SLC2A9: variants seen among roughly 807,000 people sequenced by gnomAD.
SLC2A9 encodes solute carrier family 2, facilitated glucose transporter member 9.
SLC2A9 carries 39 observed loss-of-function variants against 50.6 expected under a neutral mutation model. That is an observed-to-expected ratio of 0.77 (90% CI 0.60 to 1.01). SLC2A9 has a LOEUF of 1.01. Ranked by LOEUF, SLC2A9 falls within the 50% of genes least tolerant of loss-of-function variation. The probability of loss-of-function intolerance (pLI) is 0.00; values close to 1 mark genes in which losing one functional copy is unlikely to be tolerated. For missense variants in SLC2A9, 686 were observed against 677.6 expected (o/e 1.01, Z -0.14); for synonymous variants, 324 against 276.9 (o/e 1.17, Z -1.69).
chr4:9,877,585 C>A (rs1206843274), intron 10 of SLC2A9, among the ~76,000 whole-genome samples: 1 of 152,200 alleles, frequency 6.6e-6, no homozygotes, highest in South Asian at 2.1e-4. Context: ...TCCTGTAAAT[C>A]CAGTAAGCAA....
At position 9,848,935 on chromosome 4, in the gene SLC2A9, C is replaced by A. The variant is rs142398018; in HGVS notation, c.1292-13927G>T. Among the ~76,000 whole-genome samples, 729 of 152,292 alleles carry A rather than the reference C, an allele frequency of 4.8e-3. 6 individuals carry two copies. Among genetic ancestry groups the A allele is most frequent in the African/African-American group, 0.016 (663 of 41,574 alleles). ...GTCAGGCTGGTCTCAATCTCCTGAC[C>A]TTGTGATCCGCCTGCCTCGGCCTCC... On this transcript the variant is annotated intron_variant, in intron 10 of 11. Coordinates refer to ENST00000264784, the MANE Select transcript of SLC2A9 (RefSeq NM_020041.3).
At chr4:10,029,039 A>G (rs979217772) in intron 1 of SLC2A9, 3 of 152,270 alleles carry the variant, frequency 2.0e-5, no homozygotes, top group African/African-American at 7.2e-5. Flanking sequence ...CTTCAGCTCA[A>G]TCCCTTCCAG....
At chr4:9,787,551 C>T (rs1335636472) in intron 3 of SLC2A9, among the ~76,000 whole-genome samples, 1 of 152,154 alleles carries the variant, frequency 6.6e-6, no homozygotes, top group Non-Finnish European at 1.5e-5. Flanking sequence ...TTGCATATTT[C>T]CTAAAAACAG....
intron 6 of SLC2A9, among the ~76,000 whole-genome samples, chr4:9,937,300 C>A (rs527815936): frequency 7.9e-5 from 12 of 152,078 alleles, no homozygotes; most frequent in Non-Finnish European, 1.5e-4. Flanking sequence ...TGTGTTTTCC[C>A]GCCCCTTTTT....
rs569016288 is a variant in SLC2A9, at chr4:9,783,625, C to T, written n.386-3560G>A. On this transcript the variant is annotated intron_variant and non_coding_transcript_variant, in intron 3 of 3. Transcript: ENST00000503803. ...AACCTCACCCCATTGATTGGTAGTT[C>T]GAAGAATTGGCAGAAGCAGTTGCAA... is the stretch of plus-strand genomic sequence containing the variant. 2.4e-4 allele frequency: 170 copies of T among 709,370 alleles called. 2 individuals carry two copies. In the East Asian group the frequency reaches 3.7e-3, roughly 16 times the overall value. The allele number at this position is 709,370 out of a possible 1,614,324, so 43.9% of individuals were successfully genotyped here.
Position 9,887,634 on chromosome 4 carries a change from GGC to G in SLC2A9, c.1222_1223del (p.Ala408ProfsTer32). The G allele has an allele frequency of 6.5e-7, 1 of 1,545,756 alleles. No homozygotes were observed. The highest frequency in any genetic ancestry group is 8.7e-7 in the Non-Finnish European group (1 of 1,144,078). ...LTITLTLQDHAPWVPYLSIVG... is the reference protein window; with the variant it reads ...LTITLTLQDHXPWVPYLSIVG... ...CGATACTCAGGTAGGGGACCCAGGG[GGC>G]GTGGTCCTGGGAGAGAACAGGGAGT... is the stretch of plus-strand genomic sequence containing the variant. On this transcript the variant is annotated frameshift_variant, in exon 10 of 12. Coordinates refer to ENST00000264784, the MANE Select transcript of SLC2A9 (RefSeq NM_020041.3). LOFTEE classifies it high-confidence loss of function.
intron 10 of SLC2A9, among the ~76,000 whole-genome samples, chr4:9,867,643 G>A (rs6850631): frequency 0.037 from 5,661 of 152,278 alleles, 344 homozygotes; most frequent in African/African-American, 0.13. Context: ...ATCATGGGGA[G>A]TACAGGGGAG....
chr4:9,832,385 C>T (rs1018627478), intron 11 of SLC2A9, among the ~76,000 whole-genome samples: 1 of 152,204 alleles, frequency 6.6e-6, no homozygotes, highest in Non-Finnish European at 1.5e-5. Flanking sequence ...ACCGTGGGTG[C>T]CTTCCCAGGC....
intron 3 of SLC2A9, among the ~76,000 whole-genome samples, chr4:9,806,243 G>A (rs535310310): frequency 1.8e-4 from 28 of 152,286 alleles, no homozygotes; most frequent in African/African-American, 6.5e-4. Flanking sequence ...GAAAGTTGTC[G>A]GTTTACCGGA....
At chr4:9,950,374 A>G (rs1749996851) in intron 5 of SLC2A9, among the ~76,000 whole-genome samples, 1 of 152,218 alleles carries the variant, frequency 6.6e-6, no homozygotes, top group South Asian at 2.1e-4. Context: ...AAGCACCCAC[A>G]TAGAGCCCCC....
chr4:9,783,098 G>C lies in SLC2A9; in HGVS notation n.386-3033C>G, dbSNP rs771520336. 9 of 1,614,054 alleles carry C rather than the reference G, an allele frequency of 5.6e-6. No homozygotes were observed. The highest frequency in any genetic ancestry group is 1.7e-5 in the Admixed American group (1 of 60,008). On this transcript the variant is annotated intron_variant and non_coding_transcript_variant, in intron 3 of 3. Transcript: ENST00000503803. ...CTGGGCTAACTCCTCACTCAACCCC[G>C]TCATCTATGCCTTCAACGCCGACTT...
intron 8 of SLC2A9, among the ~76,000 whole-genome samples, chr4:9,893,232 C>A (rs971404009): frequency 6.6e-6 from 1 of 152,140 alleles, no homozygotes; most frequent in Non-Finnish European, 1.5e-5. Context: ...ACCCCCTCCC[C>A]CCTCCGCATT....
intron 2 of SLC2A9, among the ~76,000 whole-genome samples, chr4:10,005,040 C>T (rs1240846371): frequency 6.6e-6 from 1 of 152,184 alleles, no homozygotes; most frequent in African/African-American, 2.4e-5. Flanking sequence ...TACAGGTCTG[C>T]TTCCTCACTA....
chr4:9,812,289 G>A (rs1010356771), intron 3 of SLC2A9, among the ~76,000 whole-genome samples: 2 of 152,042 alleles, frequency 1.3e-5, no homozygotes, highest in Admixed American at 6.6e-5. Flanking sequence ...TAGAAACTGC[G>A]GCAACTCCTG....
At chr4:9,976,507 T>G (rs1754827365) in intron 5 of SLC2A9, among the ~76,000 whole-genome samples, 1 of 152,198 alleles carries the variant, frequency 6.6e-6, no homozygotes, top group African/African-American at 2.4e-5. Flanking sequence ...AATAAAAATT[T>G]CCCATTTGAT....
At chr4:9,792,653 T>A (rs1426421237) in intron 3 of SLC2A9, 1 of 152,156 alleles carries the variant, frequency 6.6e-6, no homozygotes, top group Non-Finnish European at 1.5e-5. Context: ...GTACACACAC[T>A]CCACAGGCAC....
chr4:9,910,685 G>A (rs1741572278), intron 7 of SLC2A9, among the ~76,000 whole-genome samples: 1 of 152,170 alleles, frequency 6.6e-6, no homozygotes. Flanking sequence ...TTATGATGTG[G>A]CCAGCACCTC....
At chr4:10,026,178 T>A (rs1224752329), upstream of SLC2A9, among the ~76,000 whole-genome samples, 2 of 152,196 alleles carry the variant, frequency 1.3e-5, no homozygotes, top group African/African-American at 2.4e-5. Context: ...CTCTCCTCTG[T>A]CCTCAGTTTC....
rs562007437 is a variant in SLC2A9, at chr4:10,016,036, C to T, written c.249+2939G>A. 2.3e-3 allele frequency among the ~76,000 whole-genome samples: 351 copies of T among 152,286 alleles called. 1 individual carries two copies. Among genetic ancestry groups the T allele is most frequent in the Admixed American group, 2.9e-3 (44 of 15,306 alleles). ...CTCAGTCCTGGACTCAAGGCCTCCTCGGGGTGCTTGCTCTGGGCTCCTCTA... is the reference window on the plus strand; with the variant it reads ...CTCAGTCCTGGACTCAAGGCCTCCTTGGGGTGCTTGCTCTGGGCTCCTCTA... On this transcript the variant is annotated intron_variant, in intron 2 of 11. Transcript: ENST00000264784.
Sources: allele counts gnomAD v4.1 joint callset (sites outside exome capture counted in the v4.1 genomes callset), GRCh38; gene constraint gnomAD v4.1.1; transcripts MANE v1.5; gene names NCBI Gene and HGNC (gene_info 2026-07-23, HGNC 2026-07-21).